The following THSD7A variants were observed in gnomAD, a reference collection of about 807,000 sequenced individuals.
THSD7A encodes the protein thrombospondin type-1 domain-containing protein 7A.
THSD7A carries 96 observed loss-of-function variants against 231.3 expected under a neutral mutation model. The ratio of observed to expected loss-of-function variants is 0.41; its 90% confidence interval spans 0.35 to 0.49. THSD7A has a LOEUF of 0.49. THSD7A is among the 20% of genes least tolerant of loss of function. THSD7A has a pLI of 0.05. For synonymous variants in THSD7A, 940 were observed against 743.3 expected, an observed-to-expected ratio of 1.26 and a Z score of -4.30; for missense variants, 2,290 against 2,070.2, an observed-to-expected ratio of 1.11 and a Z score of -2.06.
chr7:11,711,248 A>G lies in THSD7A; in HGVS notation c.191-74287T>C, dbSNP rs75354766. ...TTTCAAGTCATAGGTTTTGTCCTTT[A>G]TTATATATTCCATGTGCTAGGAATG... On this transcript the variant is annotated intron_variant, in intron 1 of 27. Coordinates refer to ENST00000423059, the MANE Select transcript of THSD7A (RefSeq NM_015204.3). Among the ~76,000 whole-genome samples, 27 of 150,956 alleles carry G rather than the reference A, an allele frequency of 1.8e-4. No homozygotes were observed. The East Asian group carries it at 5.1e-3, about 29-fold the overall frequency.
rs1331575884 is a variant in THSD7A, at chr7:11,377,861, C to A, written c.4802-1204G>T. The A allele has an allele frequency of 6.8e-6, 1 of 148,034 alleles. No homozygotes were observed. Among genetic ancestry groups the A allele is most frequent in the Admixed American group, 6.8e-5 (1 of 14,724 alleles). 9.2% of individuals were successfully genotyped at this position (148,034 alleles called of 1,614,324 possible). A position where few individuals can be genotyped will look rare whatever the true frequency, so the allele number is the denominator to read the frequency against. On this transcript the variant is annotated intron_variant, in intron 26 of 27. Transcript: ENST00000423059. The surrounding 1 kb of genome is among the most constrained non-coding windows in gnomAD (Gnocchi z 4.5). ...AATTTAAAATAATGACAATAATATT[C>A]TTTTTTTTTTCAAAAGGACTGGTTT...
chr7:11,641,768 AT>A (rs1782090701), intron 1 of THSD7A, among the ~76,000 whole-genome samples: 1 of 120,792 alleles, frequency 8.3e-6, no homozygotes, highest in African/African-American at 2.7e-5. Flanking sequence ...AAAATAAAAT[AT>A]AATATAATAA....
intron 1 of THSD7A, among the ~76,000 whole-genome samples, chr7:11,815,579 A>G (rs1784666380): frequency 1.3e-5 from 2 of 152,200 alleles, no homozygotes; most frequent in Non-Finnish European, 2.9e-5. Context: ...ATGCTACGCT[A>G]TTGAAGTTAC....
At position 11,831,132 on chromosome 7, in the gene THSD7A, A is replaced by G. The variant is rs1052179480; in HGVS notation, c.190+625T>C. On this transcript the variant is annotated intron_variant, in intron 1 of 27. Coordinates refer to ENST00000423059, the MANE Select transcript of THSD7A (RefSeq NM_015204.3). The surrounding 1 kb of genome is among the most constrained non-coding windows in gnomAD (Gnocchi z 5.0). ...GGGTGGTTGAAAAACAAAGCAAAAC[A>G]ATTCTCAAGGAAGGAAGAGAAAGTT... is the stretch of plus-strand genomic sequence containing the variant. Among the ~76,000 whole-genome samples, 4 of 152,220 alleles carry G rather than the reference A, an allele frequency of 2.6e-5. No homozygotes were observed. The highest frequency in any genetic ancestry group is 7.2e-5 in the African/African-American group (3 of 41,460).
chr7:11,568,321 G>A (rs771384667), intron 4 of THSD7A, among the ~76,000 whole-genome samples: 1 of 150,132 alleles, frequency 6.7e-6, no homozygotes, highest in Non-Finnish European at 1.5e-5. Flanking sequence ...GTGTCACTGA[G>A]TATTTTCAAA....
At chr7:11,463,342 T>C (rs1325271633) in intron 9 of THSD7A, among the ~76,000 whole-genome samples, 1 of 152,154 alleles carries the variant, frequency 6.6e-6, no homozygotes, top group Non-Finnish European at 1.5e-5. Context: ...AATGGATCAG[T>C]AAATGGCTGA....
chr7:11,643,949 T>A (rs758201108), intron 1 of THSD7A, among the ~76,000 whole-genome samples: 1 of 151,900 alleles, frequency 6.6e-6, no homozygotes, highest in Non-Finnish European at 1.5e-5. Context: ...AGCACATTTC[T>A]CTCAGCCTCT....
intron 1 of THSD7A, among the ~76,000 whole-genome samples, chr7:11,702,600 G>T (rs974480886): frequency 2.6e-5 from 4 of 151,212 alleles, no homozygotes; most frequent in African/African-American, 9.7e-5. Context: ...TTGAATTGCA[G>T]TTTTAATTGT....
At chr7:11,611,731 G>A (rs191590033) in intron 2 of THSD7A, among the ~76,000 whole-genome samples, 1 of 150,256 alleles carries the variant, frequency 6.7e-6, no homozygotes, top group South Asian at 2.1e-4. Flanking sequence ...GGAGTGTTTT[G>A]AAGGTTGTAG....
intron 1 of THSD7A, among the ~76,000 whole-genome samples, chr7:11,693,936 A>G (rs1033491334): frequency 4.6e-5 from 7 of 151,558 alleles, no homozygotes; most frequent in South Asian, 4.1e-4. Context: ...TTTTGTAGCA[A>G]TTTATTTCAT....
intron 1 of THSD7A, among the ~76,000 whole-genome samples, chr7:11,775,770 A>G (rs987017513): frequency 1.3e-5 from 2 of 152,300 alleles, no homozygotes; most frequent in Middle Eastern, 3.4e-3. Flanking sequence ...GTGTTGCACA[A>G]CAATGTTAAT....
At chr7:11,686,162 C>A (rs1215453367) in intron 1 of THSD7A, among the ~76,000 whole-genome samples, 3 of 151,640 alleles carry the variant, frequency 2.0e-5, no homozygotes, top group Admixed American at 6.6e-5. Flanking sequence ...AAGATGGGAA[C>A]AATAGACACT....
rs545980151 is a variant in THSD7A, at chr7:11,816,868, T to C, written c.190+14889A>G. ...TCCTGTGTGATAATTAAGCCATATA[T>C]GATTGCATTATTTGCATGTGCCTGT... On this transcript the variant is annotated intron_variant, in intron 1 of 27. Coordinates refer to ENST00000423059, the MANE Select transcript of THSD7A (RefSeq NM_015204.3). 7.9e-5 allele frequency among the ~76,000 whole-genome samples: 12 copies of C among 152,296 alleles called. No individual in the cohort carries two copies. In the East Asian group the frequency reaches 1.7e-3, roughly 22 times the overall value.
chr7:11,737,667 A>G (rs1781963916), intron 1 of THSD7A, among the ~76,000 whole-genome samples: 1 of 151,970 alleles, frequency 6.6e-6, no homozygotes, highest in Non-Finnish European at 1.5e-5. Context: ...CATATTCTCC[A>G]ATGAGCAAGT....
chr7:11,423,597 CT>C (rs1168057422), intron 16 of THSD7A, among the ~76,000 whole-genome samples: 1 of 151,838 alleles, frequency 6.6e-6, no homozygotes, highest in Non-Finnish European at 1.5e-5. Context: ...TCTCAATCTC[CT>C]GACCTCGTGA....
chr7:11,705,530 T>C (rs1780737530), intron 1 of THSD7A, among the ~76,000 whole-genome samples: 1 of 150,916 alleles, frequency 6.6e-6, no homozygotes, highest in Admixed American at 6.6e-5. Context: ...TGTCAGCCTA[T>C]TGCAGCCTAT....
At chr7:11,379,736 T>G (rs1782434990) in intron 24 of THSD7A, 24 bp from the exon 25 acceptor site, 1 of 1,559,820 alleles carries the variant, frequency 6.4e-7, no homozygotes, top group African/African-American at 1.4e-5. Context: ...AATCATGTTT[T>G]GACAAATAAT....
rs1294656462 is a variant in THSD7A at position 11,637,906 on chromosome 7, T to G, written c.191-945A>C. Among the ~76,000 whole-genome samples, 1 of 152,208 alleles carries G rather than the reference T, an allele frequency of 6.6e-6. No individual in the cohort carries two copies. ...GATCCCAATTTACGAAATTGAGAAT[T>G]GTATTATTTTGGAATCATAAAGAAA... On this transcript the variant is annotated intron_variant, in intron 1 of 27. Coordinates refer to ENST00000423059, the MANE Select transcript of THSD7A (RefSeq NM_015204.3). The surrounding 1 kb of genome is among the most constrained non-coding windows in gnomAD (Gnocchi z 4.2).
chr7:11,525,616 G>T (rs1788439265), intron 6 of THSD7A, among the ~76,000 whole-genome samples: 1 of 151,972 alleles, frequency 6.6e-6, no homozygotes, highest in Non-Finnish European at 1.5e-5. Flanking sequence ...TTACCTTTCT[G>T]TAGTTGTCAG....
Sources: gnomAD v4.1 joint callset for allele counts (sites outside exome capture counted in the v4.1 genomes callset) on GRCh38, gnomAD v4.1.1 for gene constraint, Gnocchi (gnomAD v3.1) non-coding constraint, MANE v1.5 for transcripts, NCBI Gene and HGNC (gene_info 2026-07-23, HGNC 2026-07-21) for gene names.